Variants in ANXA3 observed in about 807,000 individuals in gnomAD.
The protein encoded by ANXA3 is 35-alpha calcimedin.
A neutral mutation model predicts 48.8 loss-of-function variants in ANXA3; 46 were observed. The ratio of observed to expected loss-of-function variants is 0.94; its 90% confidence interval spans 0.74 to 1.21. The LOEUF is 1.21. Among genes scored for constraint, ANXA3 ranks in the 50% most tolerant of loss-of-function variants. The pLI, the probability that ANXA3 is intolerant of heterozygous loss-of-function variation, is 0.00. For missense variants in ANXA3, 383 were observed against 378.6 expected (o/e 1.01, Z -0.10); for synonymous variants, 128 against 134.7 (o/e 0.95, Z 0.35).
At chr4:78,573,374 C>A in intron 3 of ANXA3, 107 bp downstream of exon 3, 1 of 764,422 alleles carries the variant, frequency 1.3e-6, no homozygotes, top group African/African-American at 1.8e-5. Flanking sequence ...AATAAATTGT[C>A]AGGAATTTTC....
chr4:78,566,488 CAAAA>C (rs397777058), intron 2 of ANXA3, among the ~76,000 whole-genome samples: 1 of 141,488 alleles, frequency 7.1e-6, no homozygotes, highest in African/African-American at 2.6e-5. Context: ...CACTCAGCCA[CAAAA>C]AAAAAAAAAA....
Position 78,607,472 on chromosome 4 carries a change from G to T in ANXA3, c.913-2584G>T, listed in dbSNP as rs144351997. Among the ~76,000 whole-genome samples, 452 of 152,244 alleles carry T rather than the reference G, an allele frequency of 3.0e-3. 2 individuals carry two copies. The highest frequency in any genetic ancestry group is 4.9e-3 in the Non-Finnish European group (331 of 68,020). ...AAGGAGAAGGCAAGGAAGAACAGAGGTGAAAAACCAATGTGTACCTCTTAC... is the reference window on the plus strand; with the variant it reads ...AAGGAGAAGGCAAGGAAGAACAGAGTTGAAAAACCAATGTGTACCTCTTAC... On this transcript the variant is annotated intron_variant, in intron 12 of 12. Coordinates refer to ENST00000264908, the MANE Select transcript of ANXA3 (RefSeq NM_005139.3).
intron 2 of ANXA3, among the ~76,000 whole-genome samples, chr4:78,562,518 C>T (rs867731288): frequency 2.0e-5 from 3 of 152,160 alleles, no homozygotes; most frequent in Non-Finnish European, 4.4e-5. Context: ...AAGTCTGACA[C>T]CGGCATTTGA....
chr4:78,578,205 C>CTTGAATCGCTT, intron 3 of ANXA3, among the ~76,000 whole-genome samples: 1 of 150,964 alleles, frequency 6.6e-6, no homozygotes, highest in East Asian at 2.0e-4. Flanking sequence ...CGCTTGAACC[C>CTTGAATCGCTT]GGGAGGTGGT....
intron 2 of ANXA3, among the ~76,000 whole-genome samples, chr4:78,565,356 G>A (rs1332055124): frequency 6.6e-6 from 1 of 152,212 alleles, no homozygotes; most frequent in Non-Finnish European, 1.5e-5. Context: ...AAGTAGAGAG[G>A]AACATGACTC....
At chr4:78,562,670 C>T (rs931309710) in intron 2 of ANXA3, among the ~76,000 whole-genome samples, 8 of 152,110 alleles carry the variant, frequency 5.3e-5, no homozygotes, top group Non-Finnish European at 8.8e-5. Context: ...AAAAGGATGG[C>T]ACCTACATTT....
chr4:78,572,261 G>A (rs929038162), intron 2 of ANXA3, among the ~76,000 whole-genome samples: 1 of 152,190 alleles, frequency 6.6e-6, no homozygotes, highest in Non-Finnish European at 1.5e-5. Context: ...AAGAAAAAGA[G>A]GACTCCTGAG....
chr4:78,573,816 A>G (rs1722891656), intron 3 of ANXA3, among the ~76,000 whole-genome samples: 1 of 152,180 alleles, frequency 6.6e-6, no homozygotes, highest in African/African-American at 2.4e-5. Flanking sequence ...CGGAACTGCC[A>G]TGGCACTGGT....
rs752453464 is a variant in ANXA3, at chr4:78,610,143, C to A, written c.*28C>A. The A allele has an allele frequency of 2.0e-5, 31 of 1,571,372 alleles. No individual in the cohort carries two copies. The highest frequency in any genetic ancestry group is 3.4e-5 in the Admixed American group (2 of 58,666). On this transcript the variant is annotated 3_prime_UTR_variant, in exon 13 of 13. Coordinates refer to ENST00000264908, the MANE Select transcript of ANXA3 (RefSeq NM_005139.3). ...CAAGAAGATAATCTCCAAAGGTCCA[C>A]GATGGGCTTTCCCAACAGCTCCACC...
intron 6 of ANXA3, among the ~76,000 whole-genome samples, chr4:78,588,265 C>T (rs997463185): frequency 1.3e-4 from 20 of 151,994 alleles, no homozygotes; most frequent in African/African-American, 3.4e-4. Flanking sequence ...TGGTGGTGCA[C>T]GCCTACAGTC....
intron 3 of ANXA3, among the ~76,000 whole-genome samples, chr4:78,577,939 T>C (rs1722989789): frequency 6.6e-6 from 1 of 152,080 alleles, no homozygotes; most frequent in Non-Finnish European, 1.5e-5. Context: ...TCTGGCCTGA[T>C]GTTACCTTTT....
Position 78,582,226 on chromosome 4 carries a change from T to C in ANXA3, c.248T>C (p.Leu83Pro), listed in dbSNP as rs1424316469. Residue 83 changes from leucine to proline, a missense_variant, in exon 5 of 13, where the codon CTC becomes CCC. Leu to Pro is a moderately conservative substitution (Grantham distance 98). Coordinates refer to ENST00000264908, the MANE Select transcript of ANXA3 (RefSeq NM_005139.3). The part of the protein sequence containing the change: ...KGDLSGHFEH[L>P]MVALVTPPAV... ...GATCTCTCTGGCCACTTTGAGCATC[T>C]CATGGTGGCCCTAGTGACTCCACCA... The C allele has an allele frequency of 6.2e-7, 1 of 1,613,904 alleles. No individual in the cohort carries two copies. Among genetic ancestry groups the C allele is most frequent in the South Asian group, 1.1e-5 (1 of 91,076 alleles).
intron 12 of ANXA3, among the ~76,000 whole-genome samples, chr4:78,609,119 A>G (rs1375067267): frequency 1.3e-5 from 2 of 152,228 alleles, no homozygotes; most frequent in Non-Finnish European, 2.9e-5. Flanking sequence ...AGAAAAATAT[A>G]TATAAAGGCC....
intron 7 of ANXA3, among the ~76,000 whole-genome samples, chr4:78,593,263 T>G (rs868079): frequency 6.6e-6 from 1 of 151,718 alleles, no homozygotes; most frequent in Non-Finnish European, 1.5e-5. Flanking sequence ...AGTGCTGTGG[T>G]GCGATCTCGG....
chr4:78,582,475 C>T, intron 5 of ANXA3, 185 bp downstream of exon 5: 1 of 485,186 alleles, frequency 2.1e-6, no homozygotes, highest in East Asian at 3.0e-5. Flanking sequence ...TGTTCCTGGG[C>T]TGGAAGAATT....
intron 2 of ANXA3, among the ~76,000 whole-genome samples, chr4:78,568,179 A>G (rs1046272049): frequency 9.2e-5 from 14 of 152,366 alleles, no homozygotes; most frequent in African/African-American, 2.9e-4. Context: ...AATTCAACCC[A>G]TAACACCTGC....
chr4:78,585,593 T>G (rs1723157555), intron 5 of ANXA3, among the ~76,000 whole-genome samples: 1 of 151,996 alleles, frequency 6.6e-6, no homozygotes, highest in Non-Finnish European at 1.5e-5. Context: ...AAGTTGGGGG[T>G]TCCATTACTA....
At chr4:78,580,392 G>C (rs1723047751) in intron 4 of ANXA3, among the ~76,000 whole-genome samples, 1 of 152,228 alleles carries the variant, frequency 6.6e-6, no homozygotes, top group South Asian at 2.1e-4. Context: ...CAGGAATGTA[G>C]AAAGTGAAGG....
chr4:78,574,307 C>A (rs996600302), intron 3 of ANXA3, among the ~76,000 whole-genome samples: 3 of 152,086 alleles, frequency 2.0e-5, no homozygotes, highest in Non-Finnish European at 4.4e-5. Context: ...GTGATCCCAG[C>A]TACTTGGGAG....
Sources: gnomAD v4.1 joint callset for allele counts (sites outside exome capture counted in the v4.1 genomes callset) on GRCh38, gnomAD v4.1.1 for gene constraint, MANE v1.5 for transcripts, NCBI Gene and HGNC (gene_info 2026-07-23, HGNC 2026-07-21) for gene names.